PCSK2: variants seen among roughly 807,000 people sequenced by gnomAD.
The protein encoded by PCSK2 is proprotein convertase subtilisin/kexin type 2, also known as neuroendocrine convertase 2.
Under a neutral mutation model 69.7 loss-of-function variants are expected in PCSK2, and 14 were observed. That is an observed-to-expected ratio of 0.20 (90% CI 0.13 to 0.31). The LOEUF (loss-of-function observed/expected upper bound fraction) is 0.31, where lower values mean the gene tolerates loss of function less well. PCSK2 is among the 10% of genes least tolerant of loss of function. The probability of loss-of-function intolerance (pLI) is 1.00; values close to 1 mark genes in which losing one functional copy is unlikely to be tolerated. For synonymous variants in PCSK2, 307 were observed against 320.7 expected, an observed-to-expected ratio of 0.96 and a Z score of 0.46; for missense variants, 544 against 842.5, an observed-to-expected ratio of 0.65 and a Z score of 4.39.
At chr20:17,337,263 G>T (rs1299307235) in intron 2 of PCSK2, among the ~76,000 whole-genome samples, 1 of 152,212 alleles carries the variant, frequency 6.6e-6, no homozygotes, top group Non-Finnish European at 1.5e-5. Context: ...AATCCCCAGA[G>T]AGTGACACTT....
At chr20:17,479,609 C>CT (rs1347862652) in intron 11 of PCSK2, among the ~76,000 whole-genome samples, 1 of 152,094 alleles carries the variant, frequency 6.6e-6, no homozygotes, top group African/African-American at 2.4e-5. Flanking sequence ...ACCATCATGG[C>CT]TAACACGGTG....
chr20:17,321,789 TA>T (rs1989876706), intron 2 of PCSK2, among the ~76,000 whole-genome samples: 1 of 152,070 alleles, frequency 6.6e-6, no homozygotes, highest in Non-Finnish European at 1.5e-5. Context: ...TTCCAAGAAC[TA>T]TTAAAAAGAG....
At chr20:17,371,178 A>G (rs1006547630) in intron 5 of PCSK2, among the ~76,000 whole-genome samples, 1 of 152,180 alleles carries the variant, frequency 6.6e-6, no homozygotes, top group Non-Finnish European at 1.5e-5. Flanking sequence ...TCCTGTGCAT[A>G]GCATAACCCC....
At chr20:17,257,270 C>T (rs1987213110) in intron 1 of PCSK2, among the ~76,000 whole-genome samples, 1 of 152,144 alleles carries the variant, frequency 6.6e-6, no homozygotes, top group East Asian at 1.9e-4. Context: ...AGCCAGGAAA[C>T]AACAGATGCT....
rs147597872 is a variant in PCSK2 at position 17,262,899 on chromosome 20, C to T, written c.282+2555C>T. On this transcript the variant is annotated intron_variant, in intron 2 of 11. Transcript: ENST00000262545. ...TTTAGCATTCCCTGAAATGTACTGTCTCCTAGAACTGCTAACGTTAACTAC... is the reference window on the plus strand; with the variant it reads ...TTTAGCATTCCCTGAAATGTACTGTTTCCTAGAACTGCTAACGTTAACTAC... 9.1e-3 allele frequency among the ~76,000 whole-genome samples: 1,384 copies of T among 152,250 alleles called. 13 individuals are homozygous for T. The highest frequency in any genetic ancestry group is 0.025 in the East Asian group (127 of 5,164).
At chr20:17,319,760 C>G (rs966753206) in intron 2 of PCSK2, among the ~76,000 whole-genome samples, 1 of 152,084 alleles carries the variant, frequency 6.6e-6, no homozygotes, top group Non-Finnish European at 1.5e-5. Context: ...ATCCGTATCA[C>G]CAGACCAAAA....
intron 6 of PCSK2, among the ~76,000 whole-genome samples, chr20:17,421,848 A>G (rs2032137575): frequency 6.7e-6 from 1 of 150,210 alleles, no homozygotes; most frequent in Non-Finnish European, 1.5e-5. Context: ...AGACGAAAAA[A>G]TATCTCCACA....
intron 4 of PCSK2, among the ~76,000 whole-genome samples, chr20:17,360,934 T>A (rs1165726142): frequency 6.6e-6 from 1 of 152,224 alleles, no homozygotes; most frequent in Non-Finnish European, 1.5e-5. Flanking sequence ...CACTTTACCT[T>A]AAAATGTCCT....
chr20:17,358,268 T>C (rs2030275181), intron 2 of PCSK2, 59 bp from the exon 3 acceptor site: 1 of 1,082,374 alleles, frequency 9.2e-7, no homozygotes, highest in South Asian at 1.3e-5. Flanking sequence ...TGGAAACAAA[T>C]TCCAGAAGAC....
intron 2 of PCSK2, among the ~76,000 whole-genome samples, chr20:17,288,702 A>T (rs189575354): frequency 1.5e-4 from 23 of 152,360 alleles, no homozygotes; most frequent in Middle Eastern, 3.4e-3. Flanking sequence ...AAAGACCACA[A>T]GAAGACGTAG....
chr20:17,344,218 CT>C (rs1485290098), intron 2 of PCSK2, among the ~76,000 whole-genome samples: 20 of 152,232 alleles, frequency 1.3e-4, no homozygotes, highest in African/African-American at 4.8e-4. Flanking sequence ...TCGCTCTGAC[CT>C]TTATTCCCTG....
intron 2 of PCSK2, among the ~76,000 whole-genome samples, chr20:17,270,451 G>A (rs1205579647): frequency 6.6e-6 from 1 of 152,092 alleles, no homozygotes; most frequent in East Asian, 1.9e-4. Flanking sequence ...GTAAACAGCA[G>A]TTAGGCAAAG....
intron 2 of PCSK2, among the ~76,000 whole-genome samples, chr20:17,279,069 C>T (rs1350532830): frequency 6.6e-6 from 1 of 152,180 alleles, no homozygotes; most frequent in Admixed American, 6.5e-5. Flanking sequence ...CTAGCACTTC[C>T]TTCACTATTA....
intron 2 of PCSK2, among the ~76,000 whole-genome samples, chr20:17,329,216 C>G (rs572009808): frequency 3.9e-5 from 6 of 152,154 alleles, no homozygotes; most frequent in African/African-American, 1.2e-4. Context: ...TTTAATGACT[C>G]GAGGGTTTTT....
intron 2 of PCSK2, among the ~76,000 whole-genome samples, chr20:17,341,798 A>C (rs571151974): frequency 7.2e-5 from 11 of 152,210 alleles, no homozygotes; most frequent in South Asian, 4.1e-4. Context: ...GAATAACCAC[A>C]TGTGCTCTCA....
intron 1 of PCSK2, among the ~76,000 whole-genome samples, chr20:17,252,900 C>A (rs1555781659): frequency 6.6e-6 from 1 of 152,106 alleles, no homozygotes; most frequent in Non-Finnish European, 1.5e-5. Context: ...TAAAAATATT[C>A]AAATAAGATG....
chr20:17,472,380 G>T (rs1334168963), intron 11 of PCSK2, among the ~76,000 whole-genome samples: 1 of 152,228 alleles, frequency 6.6e-6, no homozygotes. Flanking sequence ...CTCCCGAGCT[G>T]CAGAGGCTTC....
At chr20:17,248,574 A>G (rs1480205179) in intron 1 of PCSK2, among the ~76,000 whole-genome samples, 1 of 152,206 alleles carries the variant, frequency 6.6e-6, no homozygotes, top group Non-Finnish European at 1.5e-5. Context: ...GCCCAGAAAA[A>G]TAACCAATGC....
intron 5 of PCSK2, among the ~76,000 whole-genome samples, chr20:17,372,182 A>G (rs1472774618): frequency 1.3e-5 from 2 of 152,076 alleles, no homozygotes; most frequent in Non-Finnish European, 2.9e-5. Flanking sequence ...GATTGAGACC[A>G]TACTGGCTAA....
Sources: allele counts gnomAD v4.1 joint callset (sites outside exome capture counted in the v4.1 genomes callset), GRCh38; gene constraint gnomAD v4.1.1; transcripts MANE v1.5; gene names NCBI Gene and HGNC (gene_info 2026-07-23, HGNC 2026-07-21).